TNS3: variants seen among roughly 807,000 people sequenced by gnomAD.
The protein encoded by TNS3 is tensin 3.
A neutral mutation model predicts 140.9 loss-of-function variants in TNS3; 45 were observed. That is an observed-to-expected ratio of 0.32 (90% CI 0.25 to 0.41). The LOEUF is 0.41. TNS3 is among the 10% of genes least tolerant of loss of function. The probability of loss-of-function intolerance (pLI) is 1.00; values close to 1 mark genes in which losing one functional copy is unlikely to be tolerated. For missense variants in TNS3, 1,716 were observed against 1,906.7 expected (o/e 0.90, Z 1.86); for synonymous variants, 815 against 788.4 (o/e 1.03, Z -0.56).
Position 47,443,512 on chromosome 7 carries a change from C to T in TNS3, c.-75-1457G>A, listed in dbSNP as rs934366112. The stretch of plus-strand genomic sequence containing the variant: ...TAGACAGCTACAAAACAGAAGACTA[C>T]TCTTTTGCCTAGTAGAGCAGCAAAA... On this transcript the variant is annotated intron_variant, in intron 4 of 30. Coordinates refer to ENST00000311160, the MANE Select transcript of TNS3 (RefSeq NM_022748.12). 6.9e-4 allele frequency among the ~76,000 whole-genome samples: 105 copies of T among 152,226 alleles called. 1 individual carries two copies. The highest frequency in any genetic ancestry group is 1.8e-4 in the Non-Finnish European group (12 of 68,042).
intron 1 of TNS3, among the ~76,000 whole-genome samples, chr7:47,532,775 A>T (rs937904994): frequency 2.6e-5 from 4 of 152,166 alleles, no homozygotes; most frequent in Non-Finnish European, 4.4e-5. Context: ...TAAGACTATT[A>T]TAAGGCTCTC....
At chr7:47,292,556 A>G (rs1283512209) in intron 26 of TNS3, among the ~76,000 whole-genome samples, 1 of 152,232 alleles carries the variant, frequency 6.6e-6, no homozygotes. Flanking sequence ...TGAGGGTTTT[A>G]TATTTTTAAA....
chr7:47,306,416 C>A (rs1297970455), intron 20 of TNS3, among the ~76,000 whole-genome samples: 1 of 152,326 alleles, frequency 6.6e-6, no homozygotes, highest in East Asian at 1.9e-4. Flanking sequence ...ATGAGGTAAA[C>A]AAGCTCCATC....
At chr7:47,333,738 C>A (rs1033144456) in intron 20 of TNS3, among the ~76,000 whole-genome samples, 1 of 152,200 alleles carries the variant, frequency 6.6e-6, no homozygotes, top group Non-Finnish European at 1.5e-5. Flanking sequence ...ATCTCTCTGT[C>A]TCTGTCTTCC....
chr7:47,319,164 G>C (rs1439411987), intron 20 of TNS3, among the ~76,000 whole-genome samples: 2 of 152,180 alleles, frequency 1.3e-5, no homozygotes, highest in Non-Finnish European at 2.9e-5. Context: ...ACCGAGGCTG[G>C]GCAATTTATT....
intron 1 of TNS3, among the ~76,000 whole-genome samples, chr7:47,562,456 G>A (rs781316918): frequency 6.6e-6 from 1 of 150,568 alleles, no homozygotes. Context: ...GCGCTATCTC[G>A]GCTCACTGCA....
At position 47,368,534 on chromosome 7, in the gene TNS3, C is replaced by G. The variant is rs1351152504; in HGVS notation, c.2112G>C (p.Arg704Ser). The change falls in exon 17 of 31, where the codon AGG (arginine) becomes AGC (serine). Residue 704 changes from arginine to serine, a missense_variant. Transcript: ENST00000311160. ...DIDQSIEQLN[R>S]LILELDPTFE... ...AGGTGGGATCCAGCTCCAGGATCAG[C>G]CTGTTGAGCTGCTCGATGGACTGGT... The G allele has an allele frequency of 6.3e-7, 1 of 1,584,790 alleles. No individual in the cohort carries two copies. The highest frequency in any genetic ancestry group is 1.1e-5 in the South Asian group (1 of 87,664).
chr7:47,343,184 A>T (rs1377998264), intron 20 of TNS3, among the ~76,000 whole-genome samples: 2 of 152,204 alleles, frequency 1.3e-5, no homozygotes, highest in African/African-American at 4.8e-5. Context: ...TGCAGCGCTC[A>T]TCCACGCACA....
intron 16 of TNS3, among the ~76,000 whole-genome samples, chr7:47,385,130 G>T (rs1467558257): frequency 6.6e-6 from 1 of 152,126 alleles, no homozygotes; most frequent in African/African-American, 2.4e-5. Context: ...CTGCATCCTG[G>T]CTCCTGCACC....
chr7:47,310,018 T>C (rs1786996747), intron 20 of TNS3, among the ~76,000 whole-genome samples: 1 of 152,184 alleles, frequency 6.6e-6, no homozygotes, highest in Non-Finnish European at 1.5e-5. Flanking sequence ...ATGGACCCGT[T>C]TGGAAGCATG....
At chr7:47,514,256 G>GA (rs1461854203) in intron 2 of TNS3, among the ~76,000 whole-genome samples, 1 of 152,164 alleles carries the variant, frequency 6.6e-6, no homozygotes, top group East Asian at 1.9e-4. Flanking sequence ...TCAACCCCAT[G>GA]ACCCCATTGT....
Position 47,283,858 on chromosome 7 carries a change from A to G in TNS3, c.3936T>C (p.Asn1312=), listed in dbSNP as rs3750164. The G allele has an allele frequency of 0.67, 1,058,333 of 1,590,508 alleles. 353,755 individuals carry two copies. The highest frequency in any genetic ancestry group is 0.79 in the Middle Eastern group (4,718 of 5,944). Residue 1312 remains asparagine, a synonymous_variant, in exon 28 of 31, where the codon AAT becomes AAC. Coordinates refer to ENST00000311160, the MANE Select transcript of TNS3 (RefSeq NM_022748.12). ...TCTCCACAGAGTTCAAGTACCACAC[A>G]TTGCAGGCTGGAAGACACCAAGGGA... is the stretch of plus-strand genomic sequence containing the variant. ...AELLKQGAAC[N]VWYLNSVEME...
intron 1 of TNS3, among the ~76,000 whole-genome samples, chr7:47,559,589 C>T (rs1800281449): frequency 6.6e-6 from 1 of 152,076 alleles, no homozygotes; most frequent in South Asian, 2.1e-4. Flanking sequence ...GGGATGGGGG[C>T]TGGAAGGGGC....
chr7:47,449,429 C>A (rs767086205), intron 4 of TNS3, among the ~76,000 whole-genome samples: 1 of 152,194 alleles, frequency 6.6e-6, no homozygotes, highest in Non-Finnish European at 1.5e-5. Context: ...GCCCCAGGTT[C>A]TTTGCACATA....
chr7:47,432,962 A>G (rs1310529174), intron 8 of TNS3, among the ~76,000 whole-genome samples: 1 of 152,220 alleles, frequency 6.6e-6, no homozygotes, highest in East Asian at 1.9e-4. Flanking sequence ...ATTCTTCACC[A>G]TGGACTCAGA....
At chr7:47,462,545 A>G (rs1392856167) in intron 4 of TNS3, among the ~76,000 whole-genome samples, 2 of 152,218 alleles carry the variant, frequency 1.3e-5, no homozygotes, top group South Asian at 2.1e-4. Flanking sequence ...TTTATCGAAC[A>G]TGACTACCAC....
chr7:47,422,373 G>T (rs1794418636), intron 10 of TNS3, among the ~76,000 whole-genome samples: 1 of 152,154 alleles, frequency 6.6e-6, no homozygotes. Context: ...CAGCATTTTG[G>T]GAAGCCACAG....
intron 16 of TNS3, among the ~76,000 whole-genome samples, chr7:47,381,173 C>A (rs1008911878): frequency 4.6e-5 from 7 of 152,206 alleles, no homozygotes; most frequent in African/African-American, 7.2e-5. Flanking sequence ...CCAGCACCAA[C>A]CCATGCAGCT....
At chr7:47,514,833 T>C (rs1430334460) in intron 2 of TNS3, among the ~76,000 whole-genome samples, 1 of 152,184 alleles carries the variant, frequency 6.6e-6, no homozygotes, top group Non-Finnish European at 1.5e-5. Context: ...TGGGGCCGAA[T>C]CTACTCAATT....
Sources: gnomAD v4.1 joint callset for allele counts (sites outside exome capture counted in the v4.1 genomes callset) on GRCh38, gnomAD v4.1.1 for gene constraint, MANE v1.5 for transcripts, NCBI Gene and HGNC (gene_info 2026-07-23, HGNC 2026-07-21) for gene names.